Variants in DLGAP1 observed in about 807,000 individuals in gnomAD.
DLGAP1 encodes the protein DLG associated protein 1, also known as disks large-associated protein 1.
Under a neutral mutation model 90.8 loss-of-function variants are expected in DLGAP1, and 11 were observed. The observed-to-expected ratio is 0.12, with a 90% CI of 0.08 to 0.20. The LOEUF is 0.20. Among genes scored for constraint, DLGAP1 ranks in the 10% least tolerant of loss-of-function variants. The pLI is 1.00. For missense variants in DLGAP1, 1,050 were observed against 1,333.8 expected, an observed-to-expected ratio of 0.79 and a Z score of 3.31; for synonymous variants, 558 against 540.7, an observed-to-expected ratio of 1.03 and a Z score of -0.44.
rs1338046796 is a variant in DLGAP1, at chr18:3,711,888, G to A, written c.1591+17247C>T. Reference sequence around the variant, plus strand: ...AAAAAAAGGAAGACAGAAATGCATCGGAGTATGAGGTTGTGGTTTAGGGAT... The same window carrying A: ...AAAAAAAGGAAGACAGAAATGCATCAGAGTATGAGGTTGTGGTTTAGGGAT... On this transcript the variant is annotated intron_variant, in intron 7 of 12. Transcript: ENST00000315677. The surrounding 1 kb of genome is among the most constrained non-coding windows in gnomAD (Gnocchi z 4.0). Among the ~76,000 whole-genome samples the A allele has an allele frequency of 2.0e-5, 3 of 152,064 alleles. No individual in the cohort carries two copies. Among genetic ancestry groups the A allele is most frequent in the East Asian group, 1.9e-4 (1 of 5,192 alleles).
chr18:4,341,215 G>A (rs528867371), intron 1 of DLGAP1, among the ~76,000 whole-genome samples: 3 of 151,994 alleles, frequency 2.0e-5, no homozygotes, highest in East Asian at 1.9e-4. Context: ...AAAATGTGAA[G>A]AAGAGGGGAA....
At chr18:4,235,331 C>A (rs1038320189) in intron 1 of DLGAP1, among the ~76,000 whole-genome samples, 1 of 152,124 alleles carries the variant, frequency 6.6e-6, no homozygotes, top group Non-Finnish European at 1.5e-5. Flanking sequence ...ACTGGGGAAG[C>A]ACTGAGCTTG....
chr18:4,041,248 A>G (rs892074314), intron 2 of DLGAP1, among the ~76,000 whole-genome samples: 1 of 152,176 alleles, frequency 6.6e-6, no homozygotes, highest in Admixed American at 6.5e-5. Context: ...TAGTTGGTTG[A>G]TGCTTATTTA....
intron 7 of DLGAP1, among the ~76,000 whole-genome samples, chr18:3,587,824 C>T (rs536238116): frequency 2.6e-5 from 4 of 152,012 alleles, no homozygotes; most frequent in African/African-American, 7.3e-5. Flanking sequence ...CATGAGGGTC[C>T]GCGGCTTCAT....
chr18:3,695,360 A>G (rs2061057100), intron 7 of DLGAP1, among the ~76,000 whole-genome samples: 1 of 152,180 alleles, frequency 6.6e-6, no homozygotes, highest in African/African-American at 2.4e-5. Flanking sequence ...TCTTTAATCC[A>G]TCTTGAGTTA....
chr18:3,534,618 TG>T lies in DLGAP1; in HGVS notation c.2058-4del, dbSNP rs1457025408. 6.5e-7 allele frequency: 1 copy of T among 1,537,332 alleles called. No homozygotes were observed. Among genetic ancestry groups the T allele is most frequent in the Non-Finnish European group, 8.7e-7 (1 of 1,144,012 alleles). On this transcript the variant is annotated splice_region_variant and splice_polypyrimidine_tract_variant and intron_variant, in intron 9 of 12. Transcript: ENST00000315677. ...TGGATCGAGTGAACCTGCGGAAGCT[TG>T]GGAGAATAGAAAAAAGAAATTTAGT... is the stretch of plus-strand genomic sequence containing the variant.
At chr18:3,783,966 ATCTGCTTTTTG>A (rs894813001) in intron 5 of DLGAP1, among the ~76,000 whole-genome samples, 12 of 152,108 alleles carry the variant, frequency 7.9e-5, no homozygotes, top group African/African-American at 2.9e-4. Flanking sequence ...GCTTAAATTA[ATCTGCTTTTTG>A]TCTGCTTTTT....
At chr18:4,303,485 C>G (rs115760422) in intron 1 of DLGAP1, among the ~76,000 whole-genome samples, 50 of 152,270 alleles carry the variant, frequency 3.3e-4, no homozygotes, top group African/African-American at 1.2e-3. Context: ...TCTCTCAGAG[C>G]AGTGAGGGCC....
intron 1 of DLGAP1, among the ~76,000 whole-genome samples, chr18:4,169,986 A>C (rs2076996300): frequency 6.6e-6 from 1 of 152,200 alleles, no homozygotes; most frequent in Non-Finnish European, 1.5e-5. Context: ...CAGCTCTGTC[A>C]GAATTAAATG....
intron 5 of DLGAP1, among the ~76,000 whole-genome samples, chr18:3,765,107 C>T (rs974743674): frequency 2.8e-5 from 4 of 144,398 alleles, no homozygotes; most frequent in Non-Finnish European, 4.5e-5. Flanking sequence ...TCTCCATGCA[C>T]ACTTGCAAAC....
At chr18:3,859,850 C>T (rs1262884077) in intron 4 of DLGAP1, among the ~76,000 whole-genome samples, 2 of 152,084 alleles carry the variant, frequency 1.3e-5, no homozygotes, top group Non-Finnish European at 2.9e-5. Context: ...CCTGTAATCC[C>T]AGCACTTTGG....
chr18:3,924,611 C>T (rs908608736), intron 3 of DLGAP1, among the ~76,000 whole-genome samples: 2 of 152,074 alleles, frequency 1.3e-5, no homozygotes, highest in African/African-American at 4.8e-5. Flanking sequence ...CAGCCGTATC[C>T]CCATAAGGTG....
At chr18:3,962,993 A>G (rs181752282) in intron 3 of DLGAP1, among the ~76,000 whole-genome samples, 105 of 152,242 alleles carry the variant, frequency 6.9e-4, no homozygotes, top group African/African-American at 2.4e-3. Context: ...ATTCATGCTC[A>G]TGTTGAAGGA....
chr18:3,504,408 T>C (rs914495021), intron 11 of DLGAP1, among the ~76,000 whole-genome samples: 5 of 152,128 alleles, frequency 3.3e-5, no homozygotes, highest in African/African-American at 1.2e-4. Context: ...TTTTGAGACA[T>C]AGCGTCGCTC....
intron 1 of DLGAP1, among the ~76,000 whole-genome samples, chr18:4,255,536 C>T (rs913329775): frequency 1.1e-4 from 16 of 149,336 alleles, no homozygotes; most frequent in Admixed American, 6.7e-5. Flanking sequence ...ATTTTCTTTC[C>T]AACTGTAGTC....
intron 1 of DLGAP1, among the ~76,000 whole-genome samples, chr18:4,243,966 G>T (rs545152997): frequency 2.6e-5 from 4 of 152,114 alleles, no homozygotes; most frequent in Admixed American, 2.0e-4. Flanking sequence ...GTAATGCCAC[G>T]AACACCTGGG....
chr18:3,774,421 CT>C, intron 5 of DLGAP1: 1 of 152,280 alleles, frequency 6.6e-6, no homozygotes, highest in Non-Finnish European at 1.5e-5. Flanking sequence ...CTAGTGATGC[CT>C]TTTCTTAGCC....
At chr18:4,356,686 C>T (rs1046793801) in intron 1 of DLGAP1, among the ~76,000 whole-genome samples, 12 of 152,162 alleles carry the variant, frequency 7.9e-5, no homozygotes, top group Non-Finnish European at 1.5e-4. Context: ...TTCTATGTTG[C>T]TACTCTGCCC....
chr18:3,566,770 G>C (rs1455472818), intron 9 of DLGAP1, among the ~76,000 whole-genome samples: 1 of 152,002 alleles, frequency 6.6e-6, no homozygotes, highest in African/African-American at 2.4e-5. Flanking sequence ...GCCAACATTT[G>C]CTGTATATTT....
Sources: gnomAD v4.1 joint callset for allele counts (sites outside exome capture counted in the v4.1 genomes callset) on GRCh38, gnomAD v4.1.1 for gene constraint, Gnocchi (gnomAD v3.1) non-coding constraint, MANE v1.5 for transcripts, NCBI Gene and HGNC (gene_info 2026-07-23, HGNC 2026-07-21) for gene names.